NALF1: variants seen among roughly 807,000 people sequenced by gnomAD.
NALF1 encodes the protein family with sequence similarity 155 member A.
In NALF1, 3 loss-of-function variants were observed where a neutral mutation model predicts 48.4. That is an observed-to-expected ratio of 0.06 (90% CI 0.03 to 0.16). NALF1 has a LOEUF of 0.16. Among genes scored for constraint, NALF1 ranks in the 10% least tolerant of loss-of-function variants. The probability of loss-of-function intolerance (pLI) is 1.00; values close to 1 mark genes in which losing one functional copy is unlikely to be tolerated. For missense variants in NALF1, 526 were observed against 571.5 expected, an observed-to-expected ratio of 0.92 and a Z score of 0.81; for synonymous variants, 262 against 245.7, an observed-to-expected ratio of 1.07 and a Z score of -0.62.
intron 1 of NALF1, among the ~76,000 whole-genome samples, chr13:107,504,752 C>G (rs532291045): frequency 5.6e-4 from 85 of 152,288 alleles, no homozygotes; most frequent in African/African-American, 1.9e-3. Context: ...CCTATTCTGT[C>G]TCCAGTTGCC....
At position 107,757,925 on chromosome 13, in the gene NALF1, T is replaced by C. The variant is rs1319346790; in HGVS notation, c.915+107757A>G. Among the ~76,000 whole-genome samples, 10 of 152,214 alleles carry C rather than the reference T, an allele frequency of 6.6e-5. No homozygotes were observed. In the East Asian group the frequency reaches 1.9e-3, roughly 29 times the overall value. ...TTGATAAAAAATTATCAATAAGCTT[T>C]TATTTTGAACATTATAAATTGTATT... is the stretch of plus-strand genomic sequence containing the variant. On this transcript the variant is annotated intron_variant, in intron 1 of 2. Transcript: ENST00000375915.
intron 1 of NALF1, among the ~76,000 whole-genome samples, chr13:107,504,048 G>A (rs549978148): frequency 6.6e-6 from 1 of 151,776 alleles, no homozygotes; most frequent in South Asian, 2.1e-4. Flanking sequence ...GAGGCCAGGA[G>A]TTTAAACCAG....
intron 1 of NALF1, among the ~76,000 whole-genome samples, chr13:107,821,480 A>T (rs1041486264): frequency 2.0e-5 from 3 of 152,176 alleles, no homozygotes; most frequent in Non-Finnish European, 2.9e-5. Flanking sequence ...TGAGGAGGAC[A>T]TTTCTTCTCT....
chr13:107,627,654 T>G (rs1424162809), intron 1 of NALF1, among the ~76,000 whole-genome samples: 1 of 152,106 alleles, frequency 6.6e-6, no homozygotes, highest in African/African-American at 2.4e-5. Context: ...AAAATGTCAC[T>G]TAAAAGGTTA....
rs552544660 is a variant in NALF1 at position 107,446,065 on chromosome 13, A to C, written c.916-235310T>G. Among the ~76,000 whole-genome samples, 637 of 152,026 alleles carry C rather than the reference A, an allele frequency of 4.2e-3. 1 individual carries two copies. The highest frequency in any genetic ancestry group is 6.9e-3 in the Non-Finnish European group (470 of 67,990). On this transcript the variant is annotated intron_variant, in intron 1 of 2. Transcript: ENST00000375915. ...GCGATTCTCCTGCCTCAGCCTCCCGAGTAGTTGGGACCACAGGCACACGCC... is the reference window on the plus strand; with the variant it reads ...GCGATTCTCCTGCCTCAGCCTCCCGCGTAGTTGGGACCACAGGCACACGCC...
intron 1 of NALF1, among the ~76,000 whole-genome samples, chr13:107,469,731 A>ATTTT (rs1566355590): frequency 1.0e-5 from 1 of 99,860 alleles, no homozygotes; most frequent in Non-Finnish European, 2.0e-5. Context: ...TCAACTGTGT[A>ATTTT]TCTTTTTTTT....
intron 1 of NALF1, among the ~76,000 whole-genome samples, chr13:107,348,956 C>T (rs187616963): frequency 6.6e-6 from 1 of 152,170 alleles, no homozygotes; most frequent in Non-Finnish European, 1.5e-5. Flanking sequence ...GGACACTGTT[C>T]ATCCTTCAAG....
intron 1 of NALF1, among the ~76,000 whole-genome samples, chr13:107,245,652 A>G (rs529605397): frequency 4.3e-4 from 66 of 152,342 alleles, no homozygotes; most frequent in Admixed American, 2.0e-4. Context: ...TGAAAAAATC[A>G]TATCGATTAA....
In NALF1 at chr13:107,496,262, G is replaced by C. The variant is rs191500832; in HGVS notation, c.916-285507C>G. Among the ~76,000 whole-genome samples the C allele has an allele frequency of 2.0e-5, 3 of 152,266 alleles. No homozygotes were observed. In the East Asian group the frequency reaches 5.8e-4, roughly 29 times the overall value. ...ATATCAGACATTTTAGGCACAAATA[G>C]TATGATGAGTTTATAGATGCAAAGG... On this transcript the variant is annotated intron_variant, in intron 1 of 2. Coordinates refer to ENST00000375915, the MANE Select transcript of NALF1 (RefSeq NM_001080396.3).
At chr13:107,784,201 T>C (rs757220552) in intron 1 of NALF1, among the ~76,000 whole-genome samples, 30 of 152,178 alleles carry the variant, frequency 2.0e-4, no homozygotes, top group Non-Finnish European at 3.5e-4. Flanking sequence ...AGTAGCGAAA[T>C]AACTACTGCC....
intron 1 of NALF1, among the ~76,000 whole-genome samples, chr13:107,479,631 G>A (rs1594085272): frequency 7.0e-6 from 1 of 143,128 alleles, no homozygotes. Flanking sequence ...AGGGAGATTT[G>A]CTCTTGGAAA....
chr13:107,268,716 G>A (rs1370858780), intron 1 of NALF1, among the ~76,000 whole-genome samples: 1 of 152,140 alleles, frequency 6.6e-6, no homozygotes, highest in Non-Finnish European at 1.5e-5. Flanking sequence ...CTAAGACCCA[G>A]AATTAGAAGT....
At chr13:107,782,297 C>T (rs1030047377) in intron 1 of NALF1, among the ~76,000 whole-genome samples, 4 of 152,222 alleles carry the variant, frequency 2.6e-5, no homozygotes, top group African/African-American at 9.6e-5. Flanking sequence ...GCGAGTGATC[C>T]GCCAGCCTCG....
Position 107,442,885 on chromosome 13 carries a change from A to G in NALF1, c.916-232130T>C, listed in dbSNP as rs1342874730. On this transcript the variant is annotated intron_variant, in intron 1 of 2. Transcript: ENST00000375915. The stretch of plus-strand genomic sequence containing the variant: ...TATAACGGTTAAAAACCAAGTGAAG[A>G]ATGCAGACTCATATAACGCAAGAGA... Among the ~76,000 whole-genome samples, 4 of 152,318 alleles carry G rather than the reference A, an allele frequency of 2.6e-5. No individual in the cohort carries two copies. In the East Asian group the frequency reaches 7.7e-4, roughly 29 times the overall value.
At chr13:107,307,857 A>T (rs909347322) in intron 1 of NALF1, among the ~76,000 whole-genome samples, 1 of 152,176 alleles carries the variant, frequency 6.6e-6, no homozygotes, top group African/African-American at 2.4e-5. Context: ...CTTACAATAC[A>T]CTTAAAGAAA....
rs1881011394 is a variant in NALF1, at chr13:107,672,352, G to A, written c.915+193330C>T. On this transcript the variant is annotated intron_variant, in intron 1 of 2. Transcript: ENST00000375915. ...TACCTTTGAGAAACTGATGCAACATGTATTGTCTTAGAATGCTGCGGTTCA... is the reference window on the plus strand; with the variant it reads ...TACCTTTGAGAAACTGATGCAACATATATTGTCTTAGAATGCTGCGGTTCA... Among the ~76,000 whole-genome samples the A allele has an allele frequency of 2.0e-5, 3 of 152,318 alleles. No homozygotes were observed. The South Asian group carries it at 6.2e-4, about 32-fold the overall frequency.
intron 1 of NALF1, among the ~76,000 whole-genome samples, chr13:107,820,856 C>G (rs1879341364): frequency 6.6e-6 from 1 of 152,120 alleles, no homozygotes; most frequent in African/African-American, 2.4e-5. Flanking sequence ...ATATTAGAAA[C>G]CCGGCAGCAA....
chr13:107,767,606 G>A (rs942929903), intron 1 of NALF1, among the ~76,000 whole-genome samples: 5 of 152,184 alleles, frequency 3.3e-5, no homozygotes, highest in Non-Finnish European at 5.9e-5. Flanking sequence ...GGTTCCAAAT[G>A]TATCATGTGC....
chr13:107,237,163 C>A (rs2138831453), intron 1 of NALF1, among the ~76,000 whole-genome samples: 1 of 149,982 alleles, frequency 6.7e-6, no homozygotes, highest in East Asian at 2.0e-4. Context: ...ATTTATATAT[C>A]ATAAATAATT....
Sources: allele counts gnomAD v4.1 joint callset (sites outside exome capture counted in the v4.1 genomes callset), GRCh38; gene constraint gnomAD v4.1.1; transcripts MANE v1.5; gene names NCBI Gene and HGNC (gene_info 2026-07-23, HGNC 2026-07-21).